The following MAPK8 variants were observed in gnomAD, a reference collection of about 807,000 sequenced individuals.
The protein encoded by MAPK8 is JUN N-terminal kinase.
MAPK8 carries 13 observed loss-of-function variants against 52.9 expected under a neutral mutation model. The observed-to-expected ratio is 0.25, with a 90% confidence interval of 0.16 to 0.39. MAPK8 has a LOEUF of 0.39. MAPK8 is among the 10% of genes least tolerant of loss of function. The pLI is 1.00. For synonymous variants in MAPK8, 191 were observed against 169.8 expected (o/e 1.12, Z -0.97); for missense variants, 300 against 519.2 (o/e 0.58, Z 4.10).
At chr10:48,378,149 A>T (rs2040785098) in intron 1 of MAPK8, among the ~76,000 whole-genome samples, 1 of 152,214 alleles carries the variant, frequency 6.6e-6, no homozygotes, top group Admixed American at 6.5e-5. Context: ...AAGCATTGTT[A>T]ATCAAAATCT....
intron 1 of MAPK8, among the ~76,000 whole-genome samples, chr10:48,355,177 T>C (rs58676018): frequency 0.044 from 6,662 of 152,294 alleles, 168 homozygotes; most frequent in African/African-American, 0.066. Context: ...AGCTAGAATT[T>C]ATACAATTGA....
intron 1 of MAPK8, among the ~76,000 whole-genome samples, chr10:48,370,434 A>C (rs968184231): frequency 6.6e-6 from 1 of 152,114 alleles, no homozygotes; most frequent in African/African-American, 2.4e-5. Flanking sequence ...GTGCTACTTC[A>C]GGTTGGTACA....
At chr10:48,331,503 G>C (rs978276959) in intron 1 of MAPK8, among the ~76,000 whole-genome samples, 1 of 152,158 alleles carries the variant, frequency 6.6e-6, no homozygotes, top group Non-Finnish European at 1.5e-5. Flanking sequence ...CTCCCTTCCA[G>C]GGTCTCTTTT....
At chr10:48,363,084 T>C (rs1847703150) in intron 1 of MAPK8, among the ~76,000 whole-genome samples, 1 of 152,146 alleles carries the variant, frequency 6.6e-6, no homozygotes, top group Non-Finnish European at 1.5e-5. Flanking sequence ...TTGCCCAGAC[T>C]GGAGTGCAGT....
chr10:48,335,408 T>G (rs1844589696), intron 1 of MAPK8, among the ~76,000 whole-genome samples: 2 of 152,154 alleles, frequency 1.3e-5, no homozygotes, highest in Admixed American at 1.3e-4. Context: ...ACCAAAAAGT[T>G]TGACAGCTGC....
intron 1 of MAPK8, among the ~76,000 whole-genome samples, chr10:48,374,116 A>G (rs1341024750): frequency 6.6e-6 from 1 of 152,218 alleles, no homozygotes; most frequent in Non-Finnish European, 1.5e-5. Context: ...AACTACATGG[A>G]AACTGAGCAA....
chr10:48,356,223 A>G (rs1846921539), intron 1 of MAPK8, among the ~76,000 whole-genome samples: 1 of 152,230 alleles, frequency 6.6e-6, no homozygotes, highest in Non-Finnish European at 1.5e-5. Context: ...TGTCAATGAT[A>G]GCACGTAAGT....
chr10:48,335,028 C>T (rs904187145), intron 1 of MAPK8, among the ~76,000 whole-genome samples: 4 of 152,154 alleles, frequency 2.6e-5, no homozygotes, highest in African/African-American at 9.7e-5. Context: ...AAAACTTTTC[C>T]CTTTCATGGG....
rs750064493 is a variant in MAPK8 at position 48,372,437 on chromosome 10, A to T, written c.-49-29175A>T. 3.4e-4 allele frequency among the ~76,000 whole-genome samples: 51 copies of T among 152,230 alleles called. No homozygotes were observed. In the Middle Eastern group the frequency reaches 0.01, roughly 30 times the overall value. On this transcript the variant is annotated intron_variant, in intron 1 of 11. Coordinates refer to ENST00000374189, the MANE Select transcript of MAPK8 (RefSeq NM_001323329.2). ...CTAACAAACTCCTCCAAGCTAAAGG[A>T]GCATATTCTAACCCAATGTAAGGAA...
intron 2 of MAPK8, among the ~76,000 whole-genome samples, chr10:48,402,417 A>G (rs989445957): frequency 1.3e-5 from 2 of 152,218 alleles, no homozygotes; most frequent in African/African-American, 4.8e-5. Context: ...ATACTGGGGA[A>G]TGAAGTCAGC....
intron 1 of MAPK8, among the ~76,000 whole-genome samples, chr10:48,345,705 G>A (rs181845300): frequency 6.6e-6 from 1 of 152,196 alleles, no homozygotes; most frequent in East Asian, 1.9e-4. Flanking sequence ...GAGAGAACTG[G>A]GTGGATCTGC....
At chr10:48,318,587 A>G (rs763036546) in intron 1 of MAPK8, among the ~76,000 whole-genome samples, 7 of 152,232 alleles carry the variant, frequency 4.6e-5, no homozygotes, top group African/African-American at 7.2e-5. Flanking sequence ...AAGTATGACA[A>G]TTATTGACAT....
intron 5 of MAPK8, among the ~76,000 whole-genome samples, chr10:48,416,024 G>A (rs17010445): frequency 0.052 from 7,932 of 152,162 alleles, 335 homozygotes; most frequent in African/African-American, 0.12. Flanking sequence ...GTGGGGATAC[G>A]CATTTAAGTT....
At chr10:48,391,625 A>G (rs983602020) in intron 1 of MAPK8, among the ~76,000 whole-genome samples, 4 of 152,196 alleles carry the variant, frequency 2.6e-5, no homozygotes, top group Non-Finnish European at 4.4e-5. Flanking sequence ...CCACACACCA[A>G]GCAAGCGATC....
intron 1 of MAPK8, among the ~76,000 whole-genome samples, chr10:48,342,294 A>G (rs534743531): frequency 1.9e-3 from 291 of 152,106 alleles, no homozygotes; most frequent in African/African-American, 6.6e-3. Context: ...TGTAGAGACA[A>G]GGTCTCACCA....
At position 48,427,068 on chromosome 10, in the gene MAPK8, T is replaced by C; in HGVS notation, c.997-12T>C. 4 of 1,610,194 alleles carry C rather than the reference T, an allele frequency of 2.5e-6. No homozygotes were observed. The highest frequency in any genetic ancestry group is 3.4e-6 in the Non-Finnish European group (4 of 1,176,848). On this transcript the variant is annotated splice_polypyrimidine_tract_variant and intron_variant, in intron 9 of 11. Transcript: ENST00000374189. ...CATACTGACTTGGTTATTATTGCCTTGTGTTTTTCAGCCACCACCAAAGAT... is the reference window on the plus strand; with the variant it reads ...CATACTGACTTGGTTATTATTGCCTCGTGTTTTTCAGCCACCACCAAAGAT...
intron 1 of MAPK8, among the ~76,000 whole-genome samples, chr10:48,339,174 A>T (rs1039579656): frequency 6.6e-6 from 1 of 152,144 alleles, no homozygotes; most frequent in African/African-American, 2.4e-5. Flanking sequence ...CATATTACCC[A>T]ACTTCAGACT....
intron 2 of MAPK8, among the ~76,000 whole-genome samples, chr10:48,404,356 C>T (rs1465985726): frequency 2.6e-5 from 4 of 151,704 alleles, no homozygotes; most frequent in African/African-American, 9.7e-5. Flanking sequence ...CGGAGTTTCA[C>T]TGTGTTGGCC....
chr10:48,391,183 G>GT (rs1216827200), intron 1 of MAPK8, among the ~76,000 whole-genome samples: 3 of 152,162 alleles, frequency 2.0e-5, no homozygotes, highest in African/African-American at 7.2e-5. Context: ...TGTAGGAGTA[G>GT]TAACAGGTGA....
Sources: allele counts gnomAD v4.1 joint callset (sites outside exome capture counted in the v4.1 genomes callset), GRCh38; gene constraint gnomAD v4.1.1; transcripts MANE v1.5; gene names NCBI Gene and HGNC (gene_info 2026-07-23, HGNC 2026-07-21).